CCNF: variants seen among roughly 807,000 people sequenced by gnomAD.
CCNF encodes cyclin F.
Under a neutral mutation model 85.4 loss-of-function variants are expected in CCNF, and 30 were observed. The ratio of observed to expected loss-of-function variants is 0.35; its 90% CI spans 0.26 to 0.48. The LOEUF is 0.48. Among genes scored for constraint, CCNF ranks in the 20% least tolerant of loss-of-function variants. CCNF has a pLI of 0.99. For synonymous variants in CCNF, 439 were observed against 425.1 expected, an observed-to-expected ratio of 1.03 and a Z score of -0.40; for missense variants, 919 against 1,010.4, an observed-to-expected ratio of 0.91 and a Z score of 1.23.
chr16:2,430,260 G>T (rs2065256060), intron 1 of CCNF, among the ~76,000 whole-genome samples: 1 of 152,074 alleles, frequency 6.6e-6, no homozygotes, highest in Admixed American at 6.5e-5. Context: ...TAGAAAGGTA[G>T]ATTTGTAGAT....
intron 3 of CCNF, among the ~76,000 whole-genome samples, chr16:2,433,878 T>A (rs1196950808): frequency 6.6e-6 from 1 of 152,198 alleles, no homozygotes; most frequent in Non-Finnish European, 1.5e-5. Flanking sequence ...TCCATCTGAG[T>A]TGCCAGAAAT....
intron 8 of CCNF, among the ~76,000 whole-genome samples, chr16:2,440,507 T>C (rs1433507655): frequency 2.6e-5 from 4 of 151,766 alleles, no homozygotes; most frequent in Admixed American, 1.3e-4. Flanking sequence ...ACTCAGGAAG[T>C]TGAGGCAGGA....
chr16:2,451,226 G>A lies in CCNF; in HGVS notation c.1487+1311G>A, dbSNP rs561612863. 3.9e-5 allele frequency among the ~76,000 whole-genome samples: 6 copies of A among 152,316 alleles called. No individual in the cohort carries two copies. The highest frequency in any genetic ancestry group is 4.1e-4 in the South Asian group (2 of 4,828). ...GACGAGAGAAACAGCAGGCAGGCGC[G>A]CGGGGCAGGTGGCGCGGGCGGGGGC... On this transcript the variant is annotated intron_variant, in intron 13 of 16. Transcript: ENST00000397066. This position sits in a 1 kb window ranked among gnomAD's most constrained non-coding sequence, Gnocchi z 4.3.
rs949803171 is a variant in CCNF, at chr16:2,451,942, C to T, written c.1488-1268C>T. Among the ~76,000 whole-genome samples the T allele has an allele frequency of 5.9e-5, 9 of 152,242 alleles. No individual in the cohort carries two copies. The highest frequency in any genetic ancestry group is 1.3e-4 in the Non-Finnish European group (9 of 68,044). ...CTGCCACCCCCCTGCCAGCGTGACT[C>T]AGCCAACGGCCTGTTGCCTGTTCTG... On this transcript the variant is annotated intron_variant, in intron 13 of 16. Coordinates refer to ENST00000397066, the MANE Select transcript of CCNF (RefSeq NM_001761.3). The surrounding 1 kb of genome is among the most constrained non-coding windows in gnomAD (Gnocchi z 4.3).
At chr16:2,454,559 G>A (rs1012149136) in intron 15 of CCNF, among the ~76,000 whole-genome samples, 5 of 152,106 alleles carry the variant, frequency 3.3e-5, no homozygotes, top group Admixed American at 6.5e-5. Context: ...TCCACCCCCC[G>A]CCCTCCACCA....
chr16:2,437,306 A>G lies in CCNF; in HGVS notation c.524A>G (p.Glu175Gly). The G allele has an allele frequency of 6.3e-7, 1 of 1,594,340 alleles. No homozygotes were observed. ...KAVVHESLRAECQLQRTHKAS... is the reference protein window; with the variant it reads ...KAVVHESLRAGCQLQRTHKAS... ...GTGGTTCACGAGAGCCTCAGGGCAG[A>G]GTGCCAGCTGCAGAGGGTGAGTCTG... Residue 175 changes from glutamate to glycine, a missense_variant, in exon 5 of 17, where the codon GAG (glutamate) becomes GGG (glycine). Around this residue, in one of 3 missense-constraint regions of CCNF, gnomAD observed 410 missense variants for 478.6 expected, o/e 0.86. Transcript: ENST00000397066.
At chr16:2,429,649 G>T (rs796845257) in intron 1 of CCNF, 152 bp downstream of exon 1, 22 of 857,324 alleles carry the variant, frequency 2.6e-5, no homozygotes, top group East Asian at 3.7e-5. Context: ...CGCGTCCCGC[G>T]CAGGGAGCCC....
chr16:2,435,653 ATG>A (rs1381857604), intron 3 of CCNF, among the ~76,000 whole-genome samples, 151 bp from the exon 4 acceptor site: 1 of 89,836 alleles, frequency 1.1e-5, no homozygotes, highest in Non-Finnish European at 2.0e-5. Flanking sequence ...ACATATATAT[ATG>A]CACACACACA....
In CCNF at chr16:2,456,289, G is replaced by A. The variant is rs569382499; in HGVS notation, c.1886-256G>A. 4.0e-4 allele frequency: 172 copies of A among 434,710 alleles called. 2 individuals carry two copies. In the South Asian group the frequency reaches 7.6e-3, roughly 19 times the overall value. 26.9% of individuals were successfully genotyped at this position (434,710 alleles called of 1,614,324 possible). On this transcript the variant is annotated intron_variant, in intron 16 of 16. Transcript: ENST00000397066. This position sits in a 1 kb window ranked among gnomAD's most constrained non-coding sequence, Gnocchi z 4.5. The stretch of plus-strand genomic sequence containing the variant: ...TTAGTGTGAGTCCTGTCAGTTTCCC[G>A]GTTGCTTGCTTCTGCGTCCACTTGG...
Position 2,445,472 on chromosome 16 carries a change from A to T in CCNF, c.944A>T (p.Asp315Val). ...LNDTMRYILI[D>V]WLVEVATMKD... ...TCTTTCCGCAGGTACATTCTGATCGACTGGCTGGTGGAAGTTGCCACCATG... is the reference window on the plus strand; with the variant it reads ...TCTTTCCGCAGGTACATTCTGATCGTCTGGCTGGTGGAAGTTGCCACCATG... The change falls in exon 10 of 17, where the codon GAC becomes GTC. Residue 315 changes from aspartate to valine, a missense_variant. By Grantham distance (152) the Asp-to-Val change is radical (BLOSUM62 -3). Transcript: ENST00000397066. 6.2e-7 allele frequency: 1 copy of T among 1,614,090 alleles called. No homozygotes were observed. The highest frequency in any genetic ancestry group is 8.5e-7 in the Non-Finnish European group (1 of 1,180,024).
intron 8 of CCNF, among the ~76,000 whole-genome samples, chr16:2,440,775 G>A (rs1418762590): frequency 2.0e-5 from 3 of 151,900 alleles, no homozygotes; most frequent in South Asian, 2.1e-4. Context: ...TGGTGTTCAC[G>A]TCCAAAAAGC....
chr16:2,445,342 C>G (rs943765667), intron 9 of CCNF, 116 bp from the exon 10 acceptor site: 1 of 1,224,620 alleles, frequency 8.2e-7, no homozygotes, highest in Non-Finnish European at 1.2e-6. Context: ...AGGGTAAACC[C>G]ATGATTCCAG....
At chr16:2,439,955 G>A (rs1249216826) in intron 8 of CCNF, 129 bp downstream of exon 8, 1 of 757,360 alleles carries the variant, frequency 1.3e-6, no homozygotes, top group African/African-American at 1.7e-5. Context: ...CAGGATTGAG[G>A]GACACCCTAA....
chr16:2,453,124 C>A lies in CCNF; in HGVS notation c.1488-86C>A. ...ATTCCAGAGTGACTGCACCATTTTG[C>A]ATTCTCATTGCTCACTTCAGTGAAC... On this transcript the variant is annotated intron_variant, in intron 13 of 16. Transcript: ENST00000397066. This position sits in a 1 kb window ranked among gnomAD's most constrained non-coding sequence, Gnocchi z 5.6. 2 of 1,138,770 alleles carry A rather than the reference C, an allele frequency of 1.8e-6. No homozygotes were observed. The highest frequency in any genetic ancestry group is 2.7e-6 in the Non-Finnish European group (2 of 753,382). The allele number at this position is 1,138,770 out of a possible 1,614,324, so 70.5% of individuals were successfully genotyped here. A position where few individuals can be genotyped will look rare whatever the true frequency, so the allele number is the denominator to read the frequency against.
intron 3 of CCNF, among the ~76,000 whole-genome samples, chr16:2,435,540 G>A (rs1004394100): frequency 1.3e-5 from 2 of 150,848 alleles, no homozygotes; most frequent in African/African-American, 2.4e-5. Flanking sequence ...AGCTGTGATC[G>A]CACCACTGCA....
chr16:2,444,424 T>A (rs2065350184), intron 9 of CCNF, among the ~76,000 whole-genome samples: 1 of 149,352 alleles, frequency 6.7e-6, no homozygotes, highest in Non-Finnish European at 1.5e-5. Flanking sequence ...CTCAGCCTCC[T>A]CAGGAGCTGG....
At chr16:2,433,925 G>A (rs879856346) in intron 3 of CCNF, among the ~76,000 whole-genome samples, 3 of 152,214 alleles carry the variant, frequency 2.0e-5, no homozygotes, top group Non-Finnish European at 2.9e-5. Flanking sequence ...CAGCCATGTT[G>A]CCGCGGCCAT....
Position 2,457,871 on chromosome 16 carries a change from C to T in CCNF, c.*851C>T, listed in dbSNP as rs1281028494. ...CTCCAGCCCCTCAATGCCATCCTGA[C>T]ACACTTTATGCAAAAAGAATTTTCC... On this transcript the variant is annotated 3_prime_UTR_variant, in exon 17 of 17. Coordinates refer to ENST00000397066, the MANE Select transcript of CCNF (RefSeq NM_001761.3). 2.0e-5 allele frequency: 3 copies of T among 152,236 alleles called. No individual in the cohort carries two copies. Among genetic ancestry groups the T allele is most frequent in the African/African-American group, 7.2e-5 (3 of 41,444 alleles). The allele number at this position is 152,236 out of a possible 1,614,324, so 9.4% of individuals were successfully genotyped here.
Position 2,453,023 on chromosome 16 carries a change from C to T in CCNF, c.1488-187C>T. 1 of 608,194 alleles carries T rather than the reference C, an allele frequency of 1.6e-6. No homozygotes were observed. Among genetic ancestry groups the T allele is most frequent in the Non-Finnish European group, 2.9e-6 (1 of 340,586 alleles). 37.7% of individuals were successfully genotyped at this position (608,194 alleles called of 1,614,324 possible). ...GTGTGGACATAGTTTTTCCTTTTTC[C>T]TGGGTCTTTACCTAGAGAGGAATTG... On this transcript the variant is annotated intron_variant, in intron 13 of 16. Coordinates refer to ENST00000397066, the MANE Select transcript of CCNF (RefSeq NM_001761.3). This position sits in a 1 kb window ranked among gnomAD's most constrained non-coding sequence, Gnocchi z 5.6.
Sources: gnomAD v4.1 joint callset for allele counts (sites outside exome capture counted in the v4.1 genomes callset) on GRCh38, gnomAD v4.1.1 for gene constraint, gnomAD v4.1.1 regional missense constraint, Gnocchi (gnomAD v3.1) non-coding constraint, MANE v1.5 for transcripts, NCBI Gene and HGNC (gene_info 2026-07-23, HGNC 2026-07-21) for gene names.